The following COG6 variants were observed in gnomAD, a reference collection of about 807,000 sequenced individuals.
COG6 encodes conserved oligomeric Golgi complex subunit 6.
A neutral mutation model predicts 88.8 loss-of-function variants in COG6; 74 were observed. That is an observed-to-expected ratio of 0.83 (90% confidence interval 0.69 to 1.01). The LOEUF (loss-of-function observed/expected upper bound fraction) is 1.01, where lower values mean the gene tolerates loss of function less well. Among genes scored for constraint, COG6 ranks in the 50% least tolerant of loss-of-function variants. The pLI is 0.00. For missense variants in COG6, 800 were observed against 797.9 expected (o/e 1.00, Z -0.03); for synonymous variants, 286 against 278.7 (o/e 1.03, Z -0.26).
chr13:39,702,671 TTTAAA>T (rs1877649805), intron 13 of COG6, among the ~76,000 whole-genome samples: 1 of 151,996 alleles, frequency 6.6e-6, no homozygotes, highest in Non-Finnish European at 1.5e-5. Flanking sequence ...TGCCAATACT[TTTAAA>T]TAATAACCAC....
exon 19 of COG6, chr13:39,790,796 A>T (rs1881917406): frequency 6.6e-6 from 1 of 152,028 alleles, no homozygotes; most frequent in Admixed American, 6.6e-5. Flanking sequence ...TTTTTATATT[A>T]GGCTTATTTC....
At chr13:39,661,094 G>A (rs1045751179) in intron 3 of COG6, among the ~76,000 whole-genome samples, 10 of 151,898 alleles carry the variant, frequency 6.6e-5, no homozygotes, top group African/African-American at 2.4e-4. Context: ...TTTATATTTT[G>A]GTCTAGCCAG....
intron 13 of COG6, among the ~76,000 whole-genome samples, chr13:39,714,649 G>T (rs1878425227): frequency 6.6e-6 from 1 of 152,026 alleles, no homozygotes; most frequent in African/African-American, 2.4e-5. Context: ...TGGTGAAAGG[G>T]AATGCTTATA....
chr13:39,660,552 G>A (rs1874831174), intron 2 of COG6, among the ~76,000 whole-genome samples: 1 of 152,070 alleles, frequency 6.6e-6, no homozygotes, highest in Non-Finnish European at 1.5e-5. Flanking sequence ...TAGCAATAAA[G>A]GGATATTCAG....
At chr13:39,781,921 T>C (rs781421361) in intron 18 of COG6, among the ~76,000 whole-genome samples, 6 of 152,360 alleles carry the variant, frequency 3.9e-5, no homozygotes, top group East Asian at 3.9e-4. Context: ...TTTGGTTGTT[T>C]TATAATTTTC....
chr13:39,742,354 G>A (rs372121111), intron 18 of COG6, among the ~76,000 whole-genome samples: 1 of 152,082 alleles, frequency 6.6e-6, no homozygotes, highest in East Asian at 1.9e-4. Flanking sequence ...GTATTCAGGA[G>A]ACCCATCTCA....
At chr13:39,757,018 A>G (rs915278525), downstream of COG6, among the ~76,000 whole-genome samples, 1 of 152,200 alleles carries the variant, frequency 6.6e-6, no homozygotes, top group South Asian at 2.1e-4. Flanking sequence ...CAATCCACCC[A>G]ACAACAACAG....
intron 13 of COG6, among the ~76,000 whole-genome samples, chr13:39,716,164 G>A (rs1346968005): frequency 6.6e-6 from 1 of 151,516 alleles, no homozygotes; most frequent in Non-Finnish European, 1.5e-5. Context: ...TGTGTTTTGG[G>A]GCTTTTTTGT....
chr13:39,788,230 T>C, intron 18 of COG6: 1 of 1,170,904 alleles, frequency 8.5e-7, no homozygotes, highest in Non-Finnish European at 1.3e-6. Flanking sequence ...CCTGGATGAA[T>C]ATTTATTTCA....
At chr13:39,660,515 A>G (rs536112772) in intron 2 of COG6, among the ~76,000 whole-genome samples, 1 of 152,364 alleles carries the variant, frequency 6.6e-6, no homozygotes, top group African/African-American at 2.4e-5. Context: ...TTGAACATCA[A>G]TAAGAGTAAC....
At chr13:39,679,938 A>G (rs757415296) in intron 6 of COG6, 37 bp from the exon 7 acceptor site, 2 of 1,109,008 alleles carry the variant, frequency 1.8e-6, no homozygotes, top group Admixed American at 3.4e-5. Flanking sequence ...GTATCTGTTG[A>G]CTAAAGTTTA....
At chr13:39,723,101 A>G (rs1400729984) in intron 15 of COG6, among the ~76,000 whole-genome samples, 2 of 152,032 alleles carry the variant, frequency 1.3e-5, no homozygotes, top group African/African-American at 2.4e-5. Context: ...AAGGGCTGAG[A>G]AGCAACCCAA....
intron 18 of COG6, among the ~76,000 whole-genome samples, chr13:39,772,125 A>G (rs777294202): frequency 2.0e-5 from 3 of 152,172 alleles, no homozygotes; most frequent in Non-Finnish European, 2.9e-5. Flanking sequence ...CAGAGCATGT[A>G]TCGGAAGATA....
chr13:39,744,335 G>A (rs1880216837), intron 18 of COG6, among the ~76,000 whole-genome samples: 1 of 152,194 alleles, frequency 6.6e-6, no homozygotes, highest in South Asian at 2.1e-4. Context: ...CAGATGACAT[G>A]ATTGCATATT....
intron 18 of COG6, among the ~76,000 whole-genome samples, chr13:39,745,558 G>A (rs1369666937): frequency 6.6e-6 from 1 of 152,174 alleles, no homozygotes; most frequent in African/African-American, 2.4e-5. Context: ...ACGCCAGTTA[G>A]AATAGTGATC....
At chr13:39,744,907 T>A (rs1455446194) in intron 18 of COG6, among the ~76,000 whole-genome samples, 1 of 152,098 alleles carries the variant, frequency 6.6e-6, no homozygotes, top group African/African-American at 2.4e-5. Flanking sequence ...AACAGAGATA[T>A]AGACCAATGG....
At chr13:39,705,776 A>G (rs376156601) in intron 13 of COG6, among the ~76,000 whole-genome samples, 2 of 152,116 alleles carry the variant, frequency 1.3e-5, no homozygotes, top group African/African-American at 2.4e-5. Context: ...CTTGGGCATC[A>G]TATGGGAACT....
intron 13 of COG6, among the ~76,000 whole-genome samples, chr13:39,713,739 AAAAAAG>A (rs1454965529): frequency 1.3e-5 from 2 of 152,228 alleles, no homozygotes; most frequent in East Asian, 3.8e-4. Flanking sequence ...CCATCTCAAA[AAAAAAG>A]AAAAAGAAAT....
intron 17 of COG6, among the ~76,000 whole-genome samples, chr13:39,726,849 G>T (rs1308590104): frequency 6.6e-6 from 1 of 151,850 alleles, no homozygotes; most frequent in Non-Finnish European, 1.5e-5. Context: ...CACTTCAAAT[G>T]TCCTTTCCTG....
Sources: allele counts gnomAD v4.1 joint callset (sites outside exome capture counted in the v4.1 genomes callset), GRCh38; gene constraint gnomAD v4.1.1; transcripts MANE v1.5; gene names NCBI Gene and HGNC (gene_info 2026-07-23, HGNC 2026-07-21).